GRIP1: variants seen among roughly 807,000 people sequenced by gnomAD.
GRIP1 encodes glutamate receptor-interacting protein 1.
Under a neutral mutation model 129.9 loss-of-function variants are expected in GRIP1, and 45 were observed. The ratio of observed to expected loss-of-function variants is 0.35; its 90% CI spans 0.27 to 0.44. The LOEUF is 0.44. GRIP1 is among the 20% of genes least tolerant of loss of function. GRIP1 has a pLI of 1.00. For missense variants in GRIP1, 1,196 were observed against 1,396.8 expected (o/e 0.86, Z 2.29); for synonymous variants, 530 against 520.8 (o/e 1.02, Z -0.24).
chr12:66,681,715 C>T (rs116512015), upstream of GRIP1, among the ~76,000 whole-genome samples: 305 of 152,152 alleles, frequency 2.0e-3, 2 homozygotes, highest in African/African-American at 7.0e-3. Context: ...TGATTAAGCC[C>T]CAATGTGATC....
At chr12:66,427,548 C>T (rs2058024587) in intron 14 of GRIP1, among the ~76,000 whole-genome samples, 1 of 152,166 alleles carries the variant, frequency 6.6e-6, no homozygotes, top group Non-Finnish European at 1.5e-5. Context: ...AGCAAGTCAG[C>T]ATCACAAAGC....
At chr12:66,802,081 G>A (rs1401150616) in intron 1 of GRIP1, among the ~76,000 whole-genome samples, 2 of 152,116 alleles carry the variant, frequency 1.3e-5, no homozygotes, top group Non-Finnish European at 2.9e-5. Flanking sequence ...ATTCAGAGAA[G>A]CCCTGAAACC....
At chr12:66,841,048 A>G (rs2039706708) in intron 1 of GRIP1, among the ~76,000 whole-genome samples, 1 of 152,354 alleles carries the variant, frequency 6.6e-6, no homozygotes, top group Non-Finnish European at 1.5e-5. Flanking sequence ...TACTTCCATT[A>G]AAAAATTATT....
intron 9 of GRIP1, among the ~76,000 whole-genome samples, chr12:66,458,422 T>C (rs1005325538): frequency 6.6e-6 from 1 of 152,190 alleles, no homozygotes; most frequent in African/African-American, 2.4e-5. Flanking sequence ...TTCACTCTTG[T>C]CACTCAGGAT....
chr12:66,486,411 C>G lies in GRIP1; in HGVS notation c.725-20989G>C, dbSNP rs559375390. ...AGGTGATATGGTTTGGCTCTGTGTC[C>G]CCACCCAAATCTCATCTTGAATTGT... On this transcript the variant is annotated intron_variant, in intron 7 of 24. Transcript: ENST00000359742. Among the ~76,000 whole-genome samples the G allele has an allele frequency of 6.6e-5, 10 of 152,014 alleles. No individual in the cohort carries two copies. In the East Asian group the frequency reaches 1.9e-3, roughly 29 times the overall value.
At chr12:66,659,108 G>GC in intron 1 of GRIP1, among the ~76,000 whole-genome samples, 1 of 152,066 alleles carries the variant, frequency 6.6e-6, no homozygotes, top group East Asian at 1.9e-4. Context: ...TTCTCTCTGT[G>GC]TAGAATACTC....
intron 1 of GRIP1, among the ~76,000 whole-genome samples, chr12:66,950,277 A>G (rs1385269472): frequency 6.6e-6 from 1 of 152,198 alleles, no homozygotes; most frequent in Non-Finnish European, 1.5e-5. Flanking sequence ...AATATTTCAA[A>G]ATGCTAGCTA....
At chr12:66,830,831 A>ATTTTTTT (rs113993317) in intron 1 of GRIP1, among the ~76,000 whole-genome samples, 1 of 139,020 alleles carries the variant, frequency 7.2e-6, no homozygotes, top group Non-Finnish European at 1.5e-5. Context: ...TGGTATCTGA[A>ATTTTTTT]TTTTTTTTTT....
intron 1 of GRIP1, among the ~76,000 whole-genome samples, chr12:66,893,226 T>C (rs552600057): frequency 1.3e-5 from 2 of 152,122 alleles, no homozygotes; most frequent in Non-Finnish European, 2.9e-5. Context: ...CCATGCAAGC[T>C]GTTAAATGTA....
At chr12:66,737,252 T>G (rs2036634152) in intron 1 of GRIP1, among the ~76,000 whole-genome samples, 1 of 152,148 alleles carries the variant, frequency 6.6e-6, no homozygotes, top group Admixed American at 6.5e-5. Flanking sequence ...CTGTTTCACC[T>G]CTAGTGATTT....
chr12:66,537,908 C>T (rs113798687), intron 4 of GRIP1, among the ~76,000 whole-genome samples: 12 of 152,280 alleles, frequency 7.9e-5, no homozygotes, highest in African/African-American at 1.2e-4. Context: ...AAACTGGTGC[C>T]GCTGTTCTTC....
intron 2 of GRIP1, among the ~76,000 whole-genome samples, chr12:66,559,632 A>G (rs2139384243): frequency 6.6e-6 from 1 of 152,140 alleles, no homozygotes; most frequent in East Asian, 1.9e-4. Context: ...AAAGGTCTTT[A>G]CAATGAAAAC....
intron 1 of GRIP1, among the ~76,000 whole-genome samples, chr12:66,638,199 G>A (rs2031586293): frequency 6.6e-6 from 1 of 152,164 alleles, no homozygotes; most frequent in Non-Finnish European, 1.5e-5. Context: ...AAGAGTGAGA[G>A]TAAAAGGTTA....
rs758671090 is a variant in GRIP1 at position 66,463,027 on chromosome 12, T to C, written c.939A>G (p.Thr313=). Residue 313 remains threonine, a synonymous_variant, in exon 9 of 25, where the codon ACA becomes ACG. Transcript: ENST00000359742. ...CCAGGAACTGGGTTGCTTCTGCAAG[T>C]GTACAGTACTCCATGCTGGTTCCAT... is the stretch of plus-strand genomic sequence containing the variant. ...SIDGTSMEYC[T]LAEATQFLAN... 3 of 1,613,832 alleles carry C rather than the reference T, an allele frequency of 1.9e-6. No individual in the cohort carries two copies. The highest frequency in any genetic ancestry group is 2.2e-5 in the East Asian group (1 of 44,870).
At chr12:66,474,345 C>T (rs973480450) in intron 7 of GRIP1, among the ~76,000 whole-genome samples, 2 of 152,088 alleles carry the variant, frequency 1.3e-5, no homozygotes, top group Non-Finnish European at 2.9e-5. Context: ...ACCAAACCTA[C>T]ATTTGATTGG....
intron 20 of GRIP1, among the ~76,000 whole-genome samples, chr12:66,378,176 T>A (rs1160425131): frequency 6.6e-6 from 1 of 151,820 alleles, no homozygotes; most frequent in East Asian, 1.9e-4. Context: ...GTGCAGTGGC[T>A]CACGCCTGTA....
intron 1 of GRIP1, among the ~76,000 whole-genome samples, chr12:66,959,859 T>C (rs897607304): frequency 6.6e-6 from 1 of 152,140 alleles, no homozygotes; most frequent in African/African-American, 2.4e-5. Context: ...TAAGCATGCA[T>C]ACACAAAAAT....
chr12:66,601,577 C>T (rs1389886573), intron 1 of GRIP1, among the ~76,000 whole-genome samples: 1 of 152,158 alleles, frequency 6.6e-6, no homozygotes, highest in Non-Finnish European at 1.5e-5. Context: ...TGAGACTAAT[C>T]GTCCTATGCT....
chr12:66,917,460 G>A (rs1592951580), intron 1 of GRIP1, among the ~76,000 whole-genome samples: 1 of 152,266 alleles, frequency 6.6e-6, no homozygotes, highest in African/African-American at 2.4e-5. Context: ...ATTCTTAATT[G>A]TTTATGGGAA....
Sources: gnomAD v4.1 joint callset for allele counts (sites outside exome capture counted in the v4.1 genomes callset) on GRCh38, gnomAD v4.1.1 for gene constraint, MANE v1.5 for transcripts, NCBI Gene and HGNC (gene_info 2026-07-23, HGNC 2026-07-21) for gene names.